The following TAFA1 variants were observed in gnomAD, a reference collection of about 807,000 sequenced individuals.
The protein encoded by TAFA1 is TAFA chemokine like family member 1.
TAFA1 carries 4 observed loss-of-function variants against 18.5 expected under a neutral mutation model. The observed-to-expected ratio is 0.22, with a 90% CI of 0.11 to 0.49. The LOEUF (loss-of-function observed/expected upper bound fraction) is 0.49, where lower values mean the gene tolerates loss of function less well. Ranked by LOEUF, TAFA1 falls within the 20% of genes least tolerant of loss-of-function variation. TAFA1 has a pLI of 0.98. For synonymous variants in TAFA1, 56 were observed against 55.2 expected, an observed-to-expected ratio of 1.01 and a Z score of -0.06; for missense variants, 147 against 169.0, an observed-to-expected ratio of 0.87 and a Z score of 0.72.
intron 2 of TAFA1, among the ~76,000 whole-genome samples, chr3:68,196,097 C>T (rs1476854207): frequency 1.3e-5 from 2 of 151,720 alleles, no homozygotes; most frequent in Admixed American, 6.6e-5. Context: ...CATCTCAGGA[C>T]AGGTATATAT....
chr3:68,401,431 G>T (rs187422156), intron 2 of TAFA1, among the ~76,000 whole-genome samples: 1 of 152,228 alleles, frequency 6.6e-6, no homozygotes, highest in African/African-American at 2.4e-5. Flanking sequence ...AGAGAAAAAC[G>T]CATTGACTGG....
Position 68,087,408 on chromosome 3 carries a change from T to G in TAFA1, c.118+80664T>G, listed in dbSNP as rs1034335575. ...AAATAATAATTAATGTTAATACAAG[T>G]AATACATTTTATTAACACAAAAATA... On this transcript the variant is annotated intron_variant, in intron 2 of 4. Transcript: ENST00000478136. Among the ~76,000 whole-genome samples, 5 of 152,256 alleles carry G rather than the reference T, an allele frequency of 3.3e-5. No homozygotes were observed. In the South Asian group the frequency reaches 6.2e-4, roughly 19 times the overall value.
chr3:68,300,745 T>G (rs1242365365), intron 2 of TAFA1, among the ~76,000 whole-genome samples: 1 of 151,830 alleles, frequency 6.6e-6, no homozygotes, highest in African/African-American at 2.4e-5. Context: ...TGGGTGCAGT[T>G]TCCTCCATGC....
chr3:68,381,936 A>G (rs570365048), intron 2 of TAFA1, among the ~76,000 whole-genome samples: 1 of 152,256 alleles, frequency 6.6e-6, no homozygotes, highest in East Asian at 1.9e-4. Flanking sequence ...TTATTTTGAG[A>G]TACGTCCCAT....
At chr3:68,524,768 T>A (rs976607858) in intron 3 of TAFA1, among the ~76,000 whole-genome samples, 2 of 152,118 alleles carry the variant, frequency 1.3e-5, no homozygotes, top group Non-Finnish European at 1.5e-5. Flanking sequence ...CCTCCCGGGT[T>A]CACACCATTC....
chr3:68,266,964 C>G (rs1481013777), intron 2 of TAFA1, among the ~76,000 whole-genome samples: 2 of 152,172 alleles, frequency 1.3e-5, no homozygotes, highest in African/African-American at 2.4e-5. Flanking sequence ...TCCAGTTTCT[C>G]CTATGAATAT....
At chr3:68,118,068 A>G (rs1023900313) in intron 2 of TAFA1, among the ~76,000 whole-genome samples, 20 of 152,162 alleles carry the variant, frequency 1.3e-4, no homozygotes, top group Non-Finnish European at 8.8e-5. Context: ...AGGATGATTC[A>G]AGCGCATTAC....
At chr3:68,381,594 T>A (rs1412126094) in intron 2 of TAFA1, among the ~76,000 whole-genome samples, 1 of 152,218 alleles carries the variant, frequency 6.6e-6, no homozygotes, top group Non-Finnish European at 1.5e-5. Flanking sequence ...TGTATAAGAA[T>A]GCTTGTGATT....
intron 2 of TAFA1, among the ~76,000 whole-genome samples, chr3:68,171,858 C>T (rs1480163889): frequency 1.3e-5 from 2 of 151,432 alleles, no homozygotes; most frequent in Non-Finnish European, 2.9e-5. Flanking sequence ...AGAAGAAAAA[C>T]ATTAACAAAC....
chr3:68,253,446 A>G (rs1225401516), intron 2 of TAFA1, among the ~76,000 whole-genome samples: 2 of 152,202 alleles, frequency 1.3e-5, no homozygotes, highest in African/African-American at 2.4e-5. Context: ...CCCATTTGTG[A>G]AACCATCACT....
intron 2 of TAFA1, among the ~76,000 whole-genome samples, chr3:68,026,488 A>C (rs1255623224): frequency 6.6e-6 from 1 of 152,252 alleles, no homozygotes; most frequent in South Asian, 2.1e-4. Flanking sequence ...AATAATACCC[A>C]AAACTAATGG....
chr3:68,175,497 T>C (rs776944501), intron 2 of TAFA1, among the ~76,000 whole-genome samples: 1 of 152,204 alleles, frequency 6.6e-6, no homozygotes, highest in Non-Finnish European at 1.5e-5. Context: ...GAGACATGGA[T>C]TCAAAGGAGA....
intron 2 of TAFA1, among the ~76,000 whole-genome samples, chr3:68,081,364 G>T (rs546390876): frequency 6.6e-6 from 1 of 152,092 alleles, no homozygotes; most frequent in Non-Finnish European, 1.5e-5. Flanking sequence ...GAGGACCTGC[G>T]TTCCTTTGGA....
intron 2 of TAFA1, among the ~76,000 whole-genome samples, chr3:68,370,013 G>A (rs1016790869): frequency 6.6e-6 from 1 of 151,562 alleles, no homozygotes; most frequent in African/African-American, 2.4e-5. Context: ...TTTGGGCCAG[G>A]TGTGGTGGCT....
At chr3:68,393,246 G>A (rs1251176522) in intron 2 of TAFA1, among the ~76,000 whole-genome samples, 1 of 151,954 alleles carries the variant, frequency 6.6e-6, no homozygotes, top group African/African-American at 2.4e-5. Flanking sequence ...AAATAAACTG[G>A]AAAATCTAGA....
chr3:68,023,854 G>A (rs780275503), intron 2 of TAFA1, among the ~76,000 whole-genome samples: 8 of 152,124 alleles, frequency 5.3e-5, no homozygotes, highest in Admixed American at 1.3e-4. Flanking sequence ...TAAAAATGAA[G>A]CAAACCTTTG....
At chr3:68,055,877 T>C (rs890147779) in intron 2 of TAFA1, among the ~76,000 whole-genome samples, 2 of 152,216 alleles carry the variant, frequency 1.3e-5, no homozygotes, top group South Asian at 4.1e-4. Context: ...CTAGCCCCGA[T>C]TTTCAGCCTG....
At chr3:68,321,560 A>G (rs190548526) in intron 2 of TAFA1, among the ~76,000 whole-genome samples, 35 of 152,310 alleles carry the variant, frequency 2.3e-4, no homozygotes, top group African/African-American at 7.9e-4. Context: ...ATATAATAAT[A>G]AAACAAGTCT....
chr3:68,298,532 C>T (rs2068251094), intron 2 of TAFA1, among the ~76,000 whole-genome samples: 1 of 152,204 alleles, frequency 6.6e-6, no homozygotes, highest in South Asian at 2.1e-4. Context: ...TAGCTGTGTC[C>T]CTACCCAAAC....
Sources: gnomAD v4.1 joint callset for allele counts (sites outside exome capture counted in the v4.1 genomes callset) on GRCh38, gnomAD v4.1.1 for gene constraint, MANE v1.5 for transcripts, NCBI Gene and HGNC (gene_info 2026-07-23, HGNC 2026-07-21) for gene names.